Variants in FTO observed in about 807,000 individuals in gnomAD.
FTO encodes the protein alpha-ketoglutarate-dependent dioxygenase FTO.
Under a neutral mutation model 63.9 loss-of-function variants are expected in FTO, and 47 were observed. The ratio of observed to expected loss-of-function variants is 0.74; its 90% CI spans 0.58 to 0.94. The LOEUF is 0.94. FTO is among the 40% of genes least tolerant of loss of function. The pLI, the probability that FTO is intolerant of heterozygous loss-of-function variation, is 0.00. For missense variants in FTO, 562 were observed against 618.1 expected, an observed-to-expected ratio of 0.91 and a Z score of 0.96; for synonymous variants, 207 against 224.4, an observed-to-expected ratio of 0.92 and a Z score of 0.69.
intron 8 of FTO, among the ~76,000 whole-genome samples, chr16:54,050,152 C>A (rs2085280463): frequency 2.0e-5 from 3 of 152,088 alleles, no homozygotes; most frequent in African/African-American, 4.8e-5. Context: ...ATTTGGGGAG[C>A]TTTGACCCTG....
intron 1 of FTO, among the ~76,000 whole-genome samples, chr16:53,705,725 C>T (rs2075597491): frequency 6.6e-6 from 1 of 152,216 alleles, no homozygotes; most frequent in Non-Finnish European, 1.5e-5. Context: ...GACCCTTCTG[C>T]TTTAGTCTAC....
intron 1 of FTO, among the ~76,000 whole-genome samples, chr16:53,795,178 C>G (rs1431994676): frequency 6.6e-6 from 1 of 152,000 alleles, no homozygotes; most frequent in Non-Finnish European, 1.5e-5. Flanking sequence ...AAATAATAAA[C>G]TTAATAGAGG....
chr16:54,004,348 G>A (rs920127946), intron 8 of FTO, among the ~76,000 whole-genome samples: 1 of 151,722 alleles, frequency 6.6e-6, no homozygotes, highest in Non-Finnish European at 1.5e-5. Flanking sequence ...GTTATGAAGG[G>A]ACCCACTGCA....
intron 1 of FTO, among the ~76,000 whole-genome samples, chr16:53,773,414 G>A (rs1329117239): frequency 2.0e-5 from 3 of 152,082 alleles, no homozygotes; most frequent in African/African-American, 4.8e-5. Flanking sequence ...ATTTCTAGGT[G>A]TCAGGGAAAT....
chr16:54,039,615 C>T (rs856981), intron 8 of FTO: 79,640 of 152,028 alleles, frequency 0.52, 23,118 homozygotes, highest in African/African-American at 0.78. Context: ...GACATGGCCC[C>T]GCCCTCATGA....
intron 8 of FTO, chr16:53,979,562 T>C (rs1156876345): frequency 7.8e-6 from 3 of 386,474 alleles, no homozygotes; most frequent in East Asian, 7.4e-5. Flanking sequence ...TGTGTGTGTG[T>C]GTGTGCGCGC....
intron 4 of FTO, among the ~76,000 whole-genome samples, chr16:53,845,098 A>G (rs2151821055): frequency 6.6e-6 from 1 of 152,048 alleles, no homozygotes; most frequent in South Asian, 2.1e-4. Flanking sequence ...TAAGTTTTTA[A>G]TTTTATTTTT....
intron 3 of FTO, among the ~76,000 whole-genome samples, chr16:53,830,371 A>T (rs1235359439): frequency 2.6e-5 from 4 of 152,174 alleles, no homozygotes; most frequent in African/African-American, 4.8e-5. Flanking sequence ...TTTAGCGGGG[A>T]AGGCATTAAA....
chr16:53,919,324 T>C (rs554880529), intron 7 of FTO, among the ~76,000 whole-genome samples: 69 of 152,042 alleles, frequency 4.5e-4, no homozygotes, highest in Admixed American at 1.2e-3. Flanking sequence ...AGTGTCGAGG[T>C]TAAGAGATAT....
chr16:54,068,990 A>G (rs557816844), intron 8 of FTO, among the ~76,000 whole-genome samples: 2 of 152,356 alleles, frequency 1.3e-5, no homozygotes, highest in African/African-American at 4.8e-5. Flanking sequence ...TCAAGCAAGA[A>G]TATCAACCAT....
chr16:53,766,361 G>C (rs2077201921), intron 1 of FTO, among the ~76,000 whole-genome samples: 1 of 152,022 alleles, frequency 6.6e-6, no homozygotes, highest in South Asian at 2.1e-4. Flanking sequence ...GAGTAGCTGT[G>C]ACTACAGGCG....
At chr16:53,970,735 A>C (rs1473328667) in intron 8 of FTO, among the ~76,000 whole-genome samples, 1 of 152,120 alleles carries the variant, frequency 6.6e-6, no homozygotes, top group Non-Finnish European at 1.5e-5. Flanking sequence ...GTGTGGGCCC[A>C]GGATTGCAAG....
At chr16:53,846,817 A>T (rs2151824657) in intron 4 of FTO, among the ~76,000 whole-genome samples, 1 of 151,708 alleles carries the variant, frequency 6.6e-6, no homozygotes, top group East Asian at 1.9e-4. Context: ...AAAAAAAAAA[A>T]AAAAAGTAAA....
At chr16:53,788,968 C>G (rs1194689543) in intron 1 of FTO, among the ~76,000 whole-genome samples, 6 of 152,084 alleles carry the variant, frequency 3.9e-5, no homozygotes, top group Non-Finnish European at 8.8e-5. Context: ...AAATACATTG[C>G]AAAGTGATGA....
intron 8 of FTO, among the ~76,000 whole-genome samples, chr16:54,107,051 G>A (rs531339364): frequency 3.3e-4 from 47 of 144,432 alleles, no homozygotes; most frequent in South Asian, 8.6e-4. Flanking sequence ...TATAAAATAC[G>A]TATATATAAA....
intron 7 of FTO, among the ~76,000 whole-genome samples, chr16:53,922,634 T>A (rs1362040485): frequency 6.6e-6 from 1 of 152,208 alleles, no homozygotes; most frequent in Non-Finnish European, 1.5e-5. Flanking sequence ...CGCATACATA[T>A]TCCCCTCAGA....
intron 7 of FTO, among the ~76,000 whole-genome samples, chr16:53,924,451 A>T (rs2082089572): frequency 6.6e-6 from 1 of 152,210 alleles, no homozygotes; most frequent in Non-Finnish European, 1.5e-5. Flanking sequence ...TCAGTCAAAT[A>T]AAGTGGGTCT....
intron 7 of FTO, among the ~76,000 whole-genome samples, chr16:53,920,620 A>G (rs753923644): frequency 6.6e-6 from 1 of 152,046 alleles, no homozygotes; most frequent in African/African-American, 2.4e-5. Flanking sequence ...CTCCAACTCC[A>G]TGTGTCTAGT....
chr16:53,926,731 A>G (rs2082146880), intron 7 of FTO, among the ~76,000 whole-genome samples: 1 of 152,234 alleles, frequency 6.6e-6, no homozygotes, highest in South Asian at 2.1e-4. Flanking sequence ...TAGAATAGCC[A>G]TGTGTTTTTA....
Sources: allele counts gnomAD v4.1 joint callset (sites outside exome capture counted in the v4.1 genomes callset), GRCh38; gene constraint gnomAD v4.1.1; transcripts MANE v1.5; gene names NCBI Gene and HGNC (gene_info 2026-07-23, HGNC 2026-07-21).